Variants in UBE2W observed in about 807,000 individuals in gnomAD.
UBE2W encodes the protein ubiquitin-conjugating enzyme E2 W.
In UBE2W, 18 loss-of-function variants were observed where a neutral mutation model predicts 27.2. That is an observed-to-expected ratio of 0.66 (90% CI 0.46 to 0.98). UBE2W has a LOEUF of 0.98. Ranked by LOEUF, UBE2W falls within the 50% of genes least tolerant of loss-of-function variation. UBE2W has a pLI of 0.00. For synonymous variants in UBE2W, 53 were observed against 57.2 expected (o/e 0.93, Z 0.33); for missense variants, 90 against 180.2 (o/e 0.50, Z 2.87).
intron 1 of UBE2W, among the ~76,000 whole-genome samples, chr8:73,840,286 G>A (rs1810486581): frequency 6.6e-6 from 1 of 150,956 alleles, no homozygotes; most frequent in Non-Finnish European, 1.5e-5. Context: ...TCTATCTCCT[G>A]ACCTCGTGAT....
At chr8:73,802,483 A>C (rs974950847) in intron 5 of UBE2W, among the ~76,000 whole-genome samples, 1 of 152,206 alleles carries the variant, frequency 6.6e-6, no homozygotes, top group Admixed American at 6.5e-5. Context: ...GAAGCTGTAC[A>C]TTTTCATATA....
At chr8:73,839,170 T>C (rs1161368578) in intron 1 of UBE2W, among the ~76,000 whole-genome samples, 1 of 152,170 alleles carries the variant, frequency 6.6e-6, no homozygotes, top group Non-Finnish European at 1.5e-5. Flanking sequence ...ATTTACATAT[T>C]AGTTTAAGTT....
chr8:73,858,879 CGTGTGTGTGTGTGT>C (rs5892434), intron 1 of UBE2W, among the ~76,000 whole-genome samples: 21 of 141,728 alleles, frequency 1.5e-4, no homozygotes, highest in Non-Finnish European at 3.2e-4. Flanking sequence ...TTTTTGCGTG[CGTGTGTGTGTGTGT>C]GTGTGTGTGT....
At chr8:73,780,471 G>A (rs1807821360) in exon 5 of UBE2W, 1 of 451,914 alleles carries the variant, frequency 2.2e-6, no homozygotes, top group East Asian at 7.0e-5. Flanking sequence ...TCTTATTGGA[G>A]GACATGATTC....
intron 1 of UBE2W, among the ~76,000 whole-genome samples, chr8:73,863,411 C>T (rs1169836014): frequency 1.3e-3 from 191 of 147,178 alleles, no homozygotes; most frequent in African/African-American, 4.3e-3. Flanking sequence ...GGGAGTATCA[C>T]ACTCTGGGGA....
At chr8:73,810,394 A>G in intron 4 of UBE2W, 80 bp downstream of exon 4, 1 of 1,321,626 alleles carries the variant, frequency 7.6e-7, no homozygotes, top group African/African-American at 1.5e-5. Flanking sequence ...CCTCCAAATA[A>G]AAATAATTAC....
At position 73,786,675 on chromosome 8, in the gene UBE2W, A is replaced by T. The variant is rs568049853; in HGVS notation, c.*7427T>A. The T allele has an allele frequency of 9.3e-5, 92 of 985,468 alleles. 2 individuals carry two copies. In the African/African-American group the frequency reaches 1.4e-3, roughly 15 times the overall value. 61.0% of individuals were successfully genotyped at this position (985,468 alleles called of 1,614,324 possible). On this transcript the variant is annotated 3_prime_UTR_variant, in exon 6 of 6. Coordinates refer to ENST00000602593, the MANE Select transcript of UBE2W (RefSeq NM_018299.6). ...TTGCATTGCTACTGCTTATGAAACA[A>T]GGTTTGTGGACAGCTGAAGAGCAGC... is the stretch of plus-strand genomic sequence containing the variant.
chr8:73,804,348 G>GGGGAT (rs200198022), intron 5 of UBE2W, among the ~76,000 whole-genome samples: 2,184 of 150,286 alleles, frequency 0.015, 62 homozygotes, highest in African/African-American at 0.051. Flanking sequence ...AAAAATCACA[G>GGGGAT]GGGATGGTTT....
In UBE2W at chr8:73,790,216, A is replaced by G. The variant is rs966264356; in HGVS notation, c.*3886T>C. The G allele has an allele frequency of 1.0e-6, 1 of 985,330 alleles. No homozygotes were observed. The highest frequency in any genetic ancestry group is 1.2e-6 in the Non-Finnish European group (1 of 829,862). 61.0% of individuals were successfully genotyped at this position (985,330 alleles called of 1,614,324 possible). On this transcript the variant is annotated 3_prime_UTR_variant, in exon 6 of 6. Transcript: ENST00000602593. The stretch of plus-strand genomic sequence containing the variant: ...AAAGAGAGAATAAATTAGAAGTGAG[A>G]AAAGGAAACTGCGGAAGACTGACAC...
At chr8:73,842,329 C>T (rs189733979) in intron 1 of UBE2W, among the ~76,000 whole-genome samples, 26 of 151,650 alleles carry the variant, frequency 1.7e-4, no homozygotes, top group Non-Finnish European at 2.9e-4. Flanking sequence ...GAGATTGAGA[C>T]CATCCTGGCT....
At chr8:73,798,190 G>A (rs571773629) in intron 5 of UBE2W, among the ~76,000 whole-genome samples, 1 of 152,170 alleles carries the variant, frequency 6.6e-6, no homozygotes, top group South Asian at 2.1e-4. Context: ...CCAGTTACTC[G>A]GGACACTGAG....
At chr8:73,845,700 CAATA>C (rs1382160373) in intron 1 of UBE2W, among the ~76,000 whole-genome samples, 3 of 149,150 alleles carry the variant, frequency 2.0e-5, no homozygotes, top group African/African-American at 7.5e-5. Flanking sequence ...CAAGAATGAT[CAATA>C]AATACTAAAA....
chr8:73,827,449 G>A (rs190657369), intron 2 of UBE2W, among the ~76,000 whole-genome samples: 16 of 152,162 alleles, frequency 1.1e-4, no homozygotes, highest in African/African-American at 3.9e-4. Context: ...CCCGAACTCG[G>A]GTGATCTGCC....
chr8:73,780,812 C>T (rs767555633), intron 4 of UBE2W, among the ~76,000 whole-genome samples: 8 of 151,942 alleles, frequency 5.3e-5, no homozygotes, highest in South Asian at 2.1e-4. Context: ...GTGTGAGCCA[C>T]GACGCCTGAC....
intron 1 of UBE2W, among the ~76,000 whole-genome samples, chr8:73,837,278 C>T (rs539720755): frequency 3.3e-5 from 5 of 152,210 alleles, no homozygotes; most frequent in South Asian, 4.1e-4. Flanking sequence ...TCTGGGAGGC[C>T]GAGGCAGGTG....
intron 1 of UBE2W, among the ~76,000 whole-genome samples, chr8:73,834,999 G>A (rs1810247774): frequency 6.6e-6 from 1 of 152,078 alleles, no homozygotes; most frequent in African/African-American, 2.4e-5. Flanking sequence ...CTCAAGCCTT[G>A]TTTCAAGGAC....
At chr8:73,801,897 T>G (rs1808661249) in intron 5 of UBE2W, among the ~76,000 whole-genome samples, 5 of 152,162 alleles carry the variant, frequency 3.3e-5, no homozygotes. Context: ...GCATTCAAGT[T>G]TATTAGGTTC....
At chr8:73,814,390 A>T (rs1809299623) in intron 3 of UBE2W, among the ~76,000 whole-genome samples, 2 of 152,240 alleles carry the variant, frequency 1.3e-5, no homozygotes, top group African/African-American at 4.8e-5. Context: ...GACCACGGAC[A>T]TTCCTCGCTG....
Position 73,838,371 on chromosome 8 carries a change from TATGTC to T in UBE2W, c.16-7904_16-7900del, listed in dbSNP as rs201098434. 2.0e-5 allele frequency among the ~76,000 whole-genome samples: 3 copies of T among 152,130 alleles called. No individual in the cohort carries two copies. In the East Asian group the frequency reaches 5.8e-4, roughly 29 times the overall value. ...ACCACAAAACGGAATGCCAGATCTGTATGTCATAATACCTTGGTTGAAAATCTCTA... is the reference window on the plus strand; with the variant it reads ...ACCACAAAACGGAATGCCAGATCTGTATAATACCTTGGTTGAAAATCTCTA... On this transcript the variant is annotated intron_variant, in intron 1 of 5. Coordinates refer to ENST00000602593, the MANE Select transcript of UBE2W (RefSeq NM_018299.6).
Sources: allele counts gnomAD v4.1 joint callset (sites outside exome capture counted in the v4.1 genomes callset), GRCh38; gene constraint gnomAD v4.1.1; transcripts MANE v1.5; gene names NCBI Gene and HGNC (gene_info 2026-07-23, HGNC 2026-07-21).